DNM3: variants seen among roughly 807,000 people sequenced by gnomAD.
The protein encoded by DNM3 is dynamin-3.
Under a neutral mutation model 101.6 loss-of-function variants are expected in DNM3, and 47 were observed. The observed-to-expected ratio is 0.46, with a 90% CI of 0.37 to 0.59. DNM3 has a LOEUF of 0.59. DNM3 is among the 20% of genes least tolerant of loss of function. DNM3 has a pLI of 0.00. For missense variants in DNM3, 849 were observed against 1,085.7 expected, an observed-to-expected ratio of 0.78 and a Z score of 3.06; for synonymous variants, 385 against 387.9, an observed-to-expected ratio of 0.99 and a Z score of 0.09.
rs749944252 is a variant in DNM3 at position 172,092,814 on chromosome 1, CT to C, written c.1494-6del. The C allele has an allele frequency of 6.4e-7, 1 of 1,552,720 alleles. No individual in the cohort carries two copies. Among genetic ancestry groups the C allele is most frequent in the South Asian group, 1.2e-5 (1 of 83,222 alleles). On this transcript the variant is annotated splice_polypyrimidine_tract_variant and intron_variant, in intron 12 of 20. Transcript: ENST00000627582. ...GTCTCTTCAGTGCTGCTTTCCTTTG[CT>C]TTTCTCAGTGCTCAGCAGAGGAGCA...
Position 171,959,635 on chromosome 1 carries a change from T to C in DNM3, c.236-28021T>C, listed in dbSNP as rs577460609. On this transcript the variant is annotated intron_variant, in intron 2 of 20. Coordinates refer to ENST00000627582, the MANE Select transcript of DNM3 (RefSeq NM_015569.5). ...AACAACAAAAGTGAAAAGAAAGTAA[T>C]CCTGGGAAGCACCAGCATTGAAGTG... Among the ~76,000 whole-genome samples the C allele has an allele frequency of 7.2e-5, 11 of 152,002 alleles. No homozygotes were observed. The South Asian group carries it at 2.3e-3, about 32-fold the overall frequency.
chr1:172,143,523 C>T (rs571139120), intron 14 of DNM3, among the ~76,000 whole-genome samples: 269 of 152,166 alleles, frequency 1.8e-3, no homozygotes, highest in Non-Finnish European at 3.2e-3. Context: ...TCCTCCCCCT[C>T]TCCCACCCTC....
At chr1:171,891,277 A>T (rs12065857) in intron 1 of DNM3, among the ~76,000 whole-genome samples, 1,664 of 151,760 alleles carry the variant, frequency 0.011, 33 homozygotes, top group African/African-American at 0.038. Flanking sequence ...TTTCCAAATT[A>T]TTTTTTTCAA....
chr1:172,210,314 C>CTTTTTTTTTTTTTTT (rs11330467), intron 14 of DNM3, among the ~76,000 whole-genome samples: 3 of 84,860 alleles, frequency 3.5e-5, no homozygotes, highest in East Asian at 3.7e-4. Flanking sequence ...AGAGAGCGTG[C>CTTTTTTTTTTTTTTT]TTTTTTTTTT....
intron 1 of DNM3, among the ~76,000 whole-genome samples, chr1:171,914,499 TG>T (rs2039557257): frequency 6.6e-6 from 1 of 152,220 alleles, no homozygotes; most frequent in Non-Finnish European, 1.5e-5. Flanking sequence ...AAAAATATAT[TG>T]GTTCTGGATT....
Position 172,408,054 on chromosome 1 carries a change from A to G in DNM3, c.*213A>G. 3 of 1,414,226 alleles carry G rather than the reference A, an allele frequency of 2.1e-6. No individual in the cohort carries two copies. The highest frequency in any genetic ancestry group is 2.8e-6 in the Non-Finnish European group (3 of 1,083,646). 87.6% of individuals were successfully genotyped at this position (1,414,226 alleles called of 1,614,324 possible). Reference sequence around the variant, plus strand: ...AAACTGCTAACCTTTTAGAGGCTTTATATGTTGTACTGACCAAGGTAGGTT... The same window carrying G: ...AAACTGCTAACCTTTTAGAGGCTTTGTATGTTGTACTGACCAAGGTAGGTT... On this transcript the variant is annotated 3_prime_UTR_variant, in exon 21 of 21. Transcript: ENST00000627582.
At chr1:171,907,301 G>A (rs1384508571) in intron 1 of DNM3, among the ~76,000 whole-genome samples, 1 of 152,188 alleles carries the variant, frequency 6.6e-6, no homozygotes, top group African/African-American at 2.4e-5. Flanking sequence ...AGATCAGCCT[G>A]ACCAACATGG....
chr1:172,368,143 A>C (rs1487785283), intron 17 of DNM3, among the ~76,000 whole-genome samples: 1 of 151,944 alleles, frequency 6.6e-6, no homozygotes, highest in Non-Finnish European at 1.5e-5. Context: ...ACATTTACAG[A>C]ACATTCTATG....
At chr1:172,359,003 T>G (rs909346577) in intron 17 of DNM3, among the ~76,000 whole-genome samples, 6 of 151,936 alleles carry the variant, frequency 3.9e-5, no homozygotes, top group Non-Finnish European at 8.8e-5. Flanking sequence ...CTGGCTTCAC[T>G]CTGGTTAATC....
chr1:172,094,814 G>A (rs1172319290), intron 13 of DNM3, among the ~76,000 whole-genome samples: 2 of 152,184 alleles, frequency 1.3e-5, no homozygotes, highest in Non-Finnish European at 2.9e-5. Flanking sequence ...TTGTTCTGAT[G>A]CCTGCAATGC....
chr1:172,150,754 G>GTT (rs1014365220), intron 14 of DNM3, among the ~76,000 whole-genome samples: 3 of 152,124 alleles, frequency 2.0e-5, no homozygotes, highest in African/African-American at 7.2e-5. Context: ...CTGACCTCTG[G>GTT]TTTTCTCATC....
intron 1 of DNM3, among the ~76,000 whole-genome samples, chr1:171,853,997 T>C (rs924401024): frequency 6.6e-6 from 1 of 152,224 alleles, no homozygotes; most frequent in East Asian, 1.9e-4. Context: ...CTTAAGAACA[T>C]GAATAGCTTG....
At chr1:172,369,345 A>T (rs543993655) in intron 17 of DNM3, among the ~76,000 whole-genome samples, 2 of 152,162 alleles carry the variant, frequency 1.3e-5, no homozygotes, top group East Asian at 3.9e-4. Flanking sequence ...AATGTGGTAT[A>T]TCACATCAAC....
At chr1:172,232,945 T>C (rs1199660932) in intron 14 of DNM3, among the ~76,000 whole-genome samples, 4 of 152,042 alleles carry the variant, frequency 2.6e-5, no homozygotes, top group South Asian at 4.2e-4. Flanking sequence ...AGGAAAGATC[T>C]AAAATTGACA....
At chr1:172,222,175 G>T (rs1180948411) in intron 14 of DNM3, among the ~76,000 whole-genome samples, 3 of 152,154 alleles carry the variant, frequency 2.0e-5, no homozygotes, top group Admixed American at 6.6e-5. Context: ...TGCAGACTTG[G>T]TCTAAGTGAA....
intron 2 of DNM3, among the ~76,000 whole-genome samples, chr1:171,957,911 G>C (rs2042967001): frequency 6.6e-6 from 1 of 152,142 alleles, no homozygotes; most frequent in Non-Finnish European, 1.5e-5. Context: ...CTGTTACCCA[G>C]TTCCAAAGTT....
rs71107346 is a variant in DNM3 at position 172,372,674 on chromosome 1, ATTTTTTTTTT to A, written c.1894-6327_1894-6318del. Among the ~76,000 whole-genome samples the A allele has an allele frequency of 2.5e-3, 200 of 79,026 alleles. 1 individual carries two copies. The highest frequency in any genetic ancestry group is 7.5e-3 in the African/African-American group (192 of 25,528). The allele number at this position is 79,026 out of a possible 152,430, so 51.8% of individuals were successfully genotyped here. On this transcript the variant is annotated intron_variant, in intron 17 of 20. Coordinates refer to ENST00000627582, the MANE Select transcript of DNM3 (RefSeq NM_015569.5). ...AATGTAGTATGAAATCTTGTAATTA[ATTTTTTTTTT>A]TTTTTTTTTTTTTTTTGGAAAGAGA...
intron 8 of DNM3, 24 bp from the exon 9 acceptor site, chr1:172,044,361 C>T: frequency 6.3e-7 from 1 of 1,590,476 alleles, no homozygotes; most frequent in Non-Finnish European, 8.6e-7. Context: ...AGTGTCATAA[C>T]TATGGCTCAT....
intron 15 of DNM3, among the ~76,000 whole-genome samples, chr1:172,294,234 T>A (rs1366591698): frequency 2.6e-5 from 4 of 152,226 alleles, no homozygotes. Flanking sequence ...CTTTTAAATG[T>A]GTCCCTCTTT....
Sources: allele counts gnomAD v4.1 joint callset (sites outside exome capture counted in the v4.1 genomes callset), GRCh38; gene constraint gnomAD v4.1.1; transcripts MANE v1.5; gene names NCBI Gene and HGNC (gene_info 2026-07-23, HGNC 2026-07-21).